The following ACTR3C variants were observed in gnomAD, a reference collection of about 807,000 sequenced individuals.
The protein encoded by ACTR3C is actin-related protein 3C.
ACTR3C carries 18 observed loss-of-function variants against 26.3 expected under a neutral mutation model. The observed-to-expected ratio is 0.68, with a 90% CI of 0.47 to 1.01. ACTR3C has a LOEUF of 1.01. Ranked by LOEUF, ACTR3C falls within the 50% of genes least tolerant of loss-of-function variation. ACTR3C has a pLI of 0.00. For missense variants in ACTR3C, 184 were observed against 250.7 expected, an observed-to-expected ratio of 0.73 and a Z score of 1.80; for synonymous variants, 55 against 94.5, an observed-to-expected ratio of 0.58 and a Z score of 2.42.
At chr7:150,175,163 G>A in the ACTR3C span, among the ~76,000 whole-genome samples, 1 of 147,928 alleles carries the variant, frequency 6.8e-6, no homozygotes, top group Admixed American at 6.6e-5. Context: ...AGTAGTATGT[G>A]CATGTGTCTG....
chr7:149,963,302 G>A, the ACTR3C span, among the ~76,000 whole-genome samples: 1 of 152,156 alleles, frequency 6.6e-6, no homozygotes, highest in African/African-American at 2.4e-5. Context: ...GCCCCACCCT[G>A]ACATTTTTCC....
the ACTR3C span, among the ~76,000 whole-genome samples, chr7:150,030,736 C>A: frequency 6.6e-6 from 1 of 152,108 alleles, no homozygotes; most frequent in Non-Finnish European, 1.5e-5. Flanking sequence ...TGCTCAGGAG[C>A]CCCTTCCCAC....
At chr7:150,172,044 T>C in the ACTR3C span, among the ~76,000 whole-genome samples, 1 of 150,686 alleles carries the variant, frequency 6.6e-6, no homozygotes, top group Non-Finnish European at 1.5e-5. Context: ...TCTCCTGACC[T>C]CGTGATCCGC....
At chr7:150,069,522 T>C in the ACTR3C span, among the ~76,000 whole-genome samples, 3 of 152,230 alleles carry the variant, frequency 2.0e-5, 1 homozygote, top group South Asian at 6.2e-4. Flanking sequence ...TGGCTTTCAG[T>C]GTGAAGAAGA....
chr7:150,138,712 A>G, the ACTR3C span, among the ~76,000 whole-genome samples: 1 of 152,242 alleles, frequency 6.6e-6, no homozygotes, highest in Non-Finnish European at 1.5e-5. Context: ...ACAAGAGGGG[A>G]CATATAATGG....
the ACTR3C span, among the ~76,000 whole-genome samples, chr7:150,178,882 T>G: frequency 1.4e-4 from 21 of 150,776 alleles, no homozygotes; most frequent in Non-Finnish European, 8.8e-5. Context: ...TCAGTGAAAC[T>G]TTTGCACGTA....
the ACTR3C span, among the ~76,000 whole-genome samples, chr7:150,195,598 G>T: frequency 1.3e-5 from 2 of 152,186 alleles, no homozygotes; most frequent in Non-Finnish European, 2.9e-5. Context: ...TTCAGGGGGG[G>T]CCAGGCGTGA....
At chr7:150,047,400 C>G in the ACTR3C span, among the ~76,000 whole-genome samples, 5 of 152,184 alleles carry the variant, frequency 3.3e-5, no homozygotes, top group African/African-American at 1.2e-4. Context: ...AACTCCCGGC[C>G]GCCGCGGCTG....
At chr7:150,058,807 C>T in the ACTR3C span, among the ~76,000 whole-genome samples, 18 of 151,998 alleles carry the variant, frequency 1.2e-4, no homozygotes, top group African/African-American at 2.2e-4. Flanking sequence ...CCTAGCTACT[C>T]GCGAGGCTGA....
chr7:150,276,697 C>T (rs368528549), intron 6 of ACTR3C, among the ~76,000 whole-genome samples: 1 of 152,230 alleles, frequency 6.6e-6, no homozygotes, highest in African/African-American at 2.4e-5. Context: ...ACCTCCTCTT[C>T]GGCCTGCAAC....
the ACTR3C span, among the ~76,000 whole-genome samples, chr7:149,950,355 G>T: frequency 2.0e-5 from 3 of 146,684 alleles, no homozygotes; most frequent in Non-Finnish European, 4.4e-5. Flanking sequence ...GAGACGGGGG[G>T]AGGGAGGGAA....
chr7:150,014,296 AAT>A, the ACTR3C span, among the ~76,000 whole-genome samples: 1 of 152,088 alleles, frequency 6.6e-6, no homozygotes, highest in Non-Finnish European at 1.5e-5. Context: ...TCTACTAAAA[AAT>A]ACAAAAAATT....
chr7:150,232,006 C>T, the ACTR3C span, among the ~76,000 whole-genome samples: 1 of 152,116 alleles, frequency 6.6e-6, no homozygotes, highest in African/African-American at 2.4e-5. Context: ...ATATTTCTCC[C>T]TTTAGTTCCA....
chr7:149,922,970 CTTTTTTTTT>C, the ACTR3C span, among the ~76,000 whole-genome samples: 4,182 of 69,372 alleles, frequency 0.06, 354 homozygotes, highest in African/African-American at 0.21. Context: ...AAATAAAAGG[CTTTTTTTTT>C]TTTTTTTTTT....
the ACTR3C span, among the ~76,000 whole-genome samples, chr7:149,994,569 C>T: frequency 6.6e-6 from 1 of 151,922 alleles, no homozygotes; most frequent in Non-Finnish European, 1.5e-5. Context: ...TCATTGCACT[C>T]CAGCCTGGGC....
At chr7:150,256,682 T>C (rs1314657491) in intron 6 of ACTR3C, among the ~76,000 whole-genome samples, 1 of 152,042 alleles carries the variant, frequency 6.6e-6, no homozygotes, top group Admixed American at 6.5e-5. Context: ...CGTGACAAAA[T>C]CATTTGTACA....
chr7:149,937,681 G>A, the ACTR3C span, among the ~76,000 whole-genome samples: 3 of 152,126 alleles, frequency 2.0e-5, no homozygotes, highest in Non-Finnish European at 4.4e-5. Context: ...GAGGATGAAC[G>A]CCAAGGAGAG....
At chr7:150,010,339 C>T in the ACTR3C span, among the ~76,000 whole-genome samples, 1,057 of 152,312 alleles carry the variant, frequency 6.9e-3, 3 homozygotes, top group Middle Eastern at 0.024. Flanking sequence ...TGAACCACAT[C>T]ATTTCATTTG....
At chr7:150,264,175 G>A (rs1243797193) in intron 6 of ACTR3C, among the ~76,000 whole-genome samples, 101 of 152,294 alleles carry the variant, frequency 6.6e-4, no homozygotes, top group African/African-American at 2.0e-3. Context: ...CAACAGGCGG[G>A]GGCCAAACAT....
Sources: allele counts gnomAD v4.1 joint callset (sites outside exome capture counted in the v4.1 genomes callset), GRCh38; gene constraint gnomAD v4.1.1; transcripts MANE v1.5; gene names NCBI Gene and HGNC (gene_info 2026-07-23, HGNC 2026-07-21).